The following MIPOL1 variants were observed in gnomAD, a reference collection of about 807,000 sequenced individuals.
MIPOL1 encodes mirror-image polydactyly 1.
A neutral mutation model predicts 60.9 loss-of-function variants in MIPOL1; 57 were observed. That is an observed-to-expected ratio of 0.94 (90% CI 0.76 to 1.17). The LOEUF is 1.17. Ranked by LOEUF, MIPOL1 falls within the 50% of genes most tolerant of loss-of-function variation. The pLI, the probability that MIPOL1 is intolerant of heterozygous loss-of-function variation, is 0.00. For missense variants in MIPOL1, 551 were observed against 511.6 expected, an observed-to-expected ratio of 1.08 and a Z score of -0.74; for synonymous variants, 179 against 168.8, an observed-to-expected ratio of 1.06 and a Z score of -0.47.
intron 7 of MIPOL1, among the ~76,000 whole-genome samples, chr14:37,287,015 GA>G (rs2084629876): frequency 6.6e-6 from 1 of 152,044 alleles, no homozygotes; most frequent in South Asian, 2.1e-4. Flanking sequence ...TAAGAGCACA[GA>G]TTCTGAACCC....
chr14:37,353,401 C>A (rs1339261852), intron 9 of MIPOL1, among the ~76,000 whole-genome samples: 3 of 144,550 alleles, frequency 2.1e-5, no homozygotes, highest in Non-Finnish European at 3.0e-5. Context: ...GCTTTGGTAT[C>A]AGAATGATGC....
chr14:37,314,674 C>T (rs1441530698), intron 9 of MIPOL1, among the ~76,000 whole-genome samples: 3 of 152,138 alleles, frequency 2.0e-5, no homozygotes, highest in African/African-American at 7.2e-5. Flanking sequence ...ACCTTGTATC[C>T]TGTTACAGGC....
At chr14:37,346,068 G>A (rs7158473) in intron 9 of MIPOL1, among the ~76,000 whole-genome samples, 147,894 of 152,284 alleles carry the variant, frequency 0.97, 71,870 homozygotes, top group East Asian at 1. Flanking sequence ...GATGGCTCAC[G>A]CCTGTAATCC....
At chr14:37,315,562 C>G (rs2087787869) in intron 9 of MIPOL1, among the ~76,000 whole-genome samples, 1 of 151,962 alleles carries the variant, frequency 6.6e-6, no homozygotes, top group Non-Finnish European at 1.5e-5. Flanking sequence ...GATAAGTAGG[C>G]CTTGAAGACA....
chr14:37,508,102 A>T (rs1041385963), intron 12 of MIPOL1, among the ~76,000 whole-genome samples: 1 of 152,178 alleles, frequency 6.6e-6, no homozygotes, highest in African/African-American at 2.4e-5. Context: ...AAACCAACTT[A>T]TAAGACTTCG....
At chr14:37,517,590 A>T (rs1446264351) in intron 12 of MIPOL1, among the ~76,000 whole-genome samples, 1 of 152,200 alleles carries the variant, frequency 6.6e-6, no homozygotes, top group Non-Finnish European at 1.5e-5. Context: ...ATGAAGCAAC[A>T]TAAGAATTAC....
chr14:37,346,506 C>A (rs2090954790), intron 9 of MIPOL1, among the ~76,000 whole-genome samples: 1 of 152,104 alleles, frequency 6.6e-6, no homozygotes, highest in African/African-American at 2.4e-5. Flanking sequence ...TTATGCTTAT[C>A]TCTTTATTTA....
chr14:37,337,782 T>C (rs2090282179), intron 9 of MIPOL1, among the ~76,000 whole-genome samples: 1 of 152,138 alleles, frequency 6.6e-6, no homozygotes, highest in Non-Finnish European at 1.5e-5. Context: ...TTGATACAAG[T>C]TGTTTTAATC....
At chr14:37,226,819 GT>G (rs1478861378) in intron 1 of MIPOL1, among the ~76,000 whole-genome samples, 6 of 152,156 alleles carry the variant, frequency 3.9e-5, no homozygotes, top group Non-Finnish European at 8.8e-5. Context: ...AAAAGGGAAA[GT>G]GTTTTACCTT....
At chr14:37,320,091 A>C (rs1162030123) in intron 9 of MIPOL1, among the ~76,000 whole-genome samples, 3 of 152,140 alleles carry the variant, frequency 2.0e-5, no homozygotes, top group Admixed American at 6.6e-5. Flanking sequence ...TTTCATTTTT[A>C]ACCTATTATG....
At chr14:37,287,631 C>T (rs1419012203) in intron 7 of MIPOL1, among the ~76,000 whole-genome samples, 1 of 151,902 alleles carries the variant, frequency 6.6e-6, no homozygotes, top group Non-Finnish European at 1.5e-5. Context: ...GAGTAATAGT[C>T]AATTGAAGTG....
intron 12 of MIPOL1, chr14:37,501,620 A>G (rs1244442870): frequency 6.6e-6 from 1 of 152,174 alleles, no homozygotes; most frequent in East Asian, 1.9e-4. Context: ...AAATAACTTT[A>G]CTGAATGGCC....
intron 1 of MIPOL1, among the ~76,000 whole-genome samples, chr14:37,215,382 T>A (rs1481118768): frequency 6.6e-6 from 1 of 152,110 alleles, no homozygotes; most frequent in Non-Finnish European, 1.5e-5. Context: ...TGTGTCTTTT[T>A]TTCTACAATC....
intron 7 of MIPOL1, among the ~76,000 whole-genome samples, chr14:37,305,546 A>C (rs1040572054): frequency 2.0e-5 from 3 of 151,574 alleles, no homozygotes; most frequent in Admixed American, 6.6e-5. Context: ...TTGCAGAAAA[A>C]CTTGGCTGAT....
intron 1 of MIPOL1, among the ~76,000 whole-genome samples, chr14:37,229,567 A>G (rs374788688): frequency 1.3e-5 from 2 of 152,194 alleles, no homozygotes; most frequent in East Asian, 3.8e-4. Flanking sequence ...ACATTATTAA[A>G]TTAAGTCAAC....
chr14:37,410,549 A>T (rs1168549473), intron 10 of MIPOL1, among the ~76,000 whole-genome samples: 1 of 152,156 alleles, frequency 6.6e-6, no homozygotes, highest in East Asian at 1.9e-4. Context: ...TTCTATAAGG[A>T]ACCTCCCAAC....
chr14:37,250,728 C>G (rs369310368), intron 3 of MIPOL1, among the ~76,000 whole-genome samples: 1 of 152,046 alleles, frequency 6.6e-6, no homozygotes, highest in Non-Finnish European at 1.5e-5. Context: ...TGTTCCTAGT[C>G]GGTTCCTTTG....
chr14:37,514,410 T>G (rs2095352951), intron 12 of MIPOL1, among the ~76,000 whole-genome samples: 1 of 152,156 alleles, frequency 6.6e-6, no homozygotes, highest in African/African-American at 2.4e-5. Flanking sequence ...AATATGTTTA[T>G]AGTAAAGGTG....
intron 7 of MIPOL1, among the ~76,000 whole-genome samples, chr14:37,292,115 C>T (rs906481385): frequency 7.9e-5 from 12 of 151,252 alleles, no homozygotes; most frequent in South Asian, 2.1e-4. Context: ...TTAGTAGAGA[C>T]GGGGTTTCGC....
Sources: allele counts gnomAD v4.1 joint callset (sites outside exome capture counted in the v4.1 genomes callset), GRCh38; gene constraint gnomAD v4.1.1; transcripts MANE v1.5; gene names NCBI Gene and HGNC (gene_info 2026-07-23, HGNC 2026-07-21).